PRELID2: variants seen among roughly 807,000 people sequenced by gnomAD.
PRELID2 encodes PRELI domain containing 2.
A neutral mutation model predicts 28.4 loss-of-function variants in PRELID2; 25 were observed. That is an observed-to-expected ratio of 0.88 (90% confidence interval 0.64 to 1.23). PRELID2 has a LOEUF of 1.23. Ranked by LOEUF, PRELID2 falls within the 50% of genes most tolerant of loss-of-function variation. The probability of loss-of-function intolerance (pLI) is 0.00; values close to 1 mark genes in which losing one functional copy is unlikely to be tolerated. For synonymous variants in PRELID2, 76 were observed against 71.6 expected (o/e 1.06, Z -0.31); for missense variants, 201 against 214.4 (o/e 0.94, Z 0.39).
chr5:145,631,629 G>T (rs1252897256), intron 1 of PRELID2, among the ~76,000 whole-genome samples: 2 of 152,168 alleles, frequency 1.3e-5, no homozygotes, highest in Non-Finnish European at 2.9e-5. Flanking sequence ...CACATCCTCA[G>T]CATCTGGATC....
At chr5:145,616,182 C>A (rs1039706627) in intron 1 of PRELID2, among the ~76,000 whole-genome samples, 1 of 152,156 alleles carries the variant, frequency 6.6e-6, no homozygotes, top group Non-Finnish European at 1.5e-5. Flanking sequence ...TTCTTTCCTT[C>A]ATCTTAACTT....
chr5:145,244,173 T>C, the PRELID2 span, among the ~76,000 whole-genome samples: 2 of 152,112 alleles, frequency 1.3e-5, no homozygotes. Context: ...CAGGCTGGTC[T>C]TGAACTCCTG....
At chr5:145,363,960 G>C in the PRELID2 span, among the ~76,000 whole-genome samples, 1 of 151,958 alleles carries the variant, frequency 6.6e-6, no homozygotes, top group South Asian at 2.1e-4. Flanking sequence ...TTCTTTGGCT[G>C]ATTGTACGCT....
At chr5:145,263,828 G>A in the PRELID2 span, among the ~76,000 whole-genome samples, 1 of 148,772 alleles carries the variant, frequency 6.7e-6, no homozygotes, top group Non-Finnish European at 1.5e-5. Context: ...CAAGCAGCAG[G>A]ATAGAAATGG....
the PRELID2 span, among the ~76,000 whole-genome samples, chr5:145,316,785 A>G: frequency 6.6e-6 from 1 of 152,214 alleles, no homozygotes; most frequent in African/African-American, 2.4e-5. Flanking sequence ...CAGTTTCTAA[A>G]GCCATTTCAT....
chr5:145,438,362 G>A, the PRELID2 span, among the ~76,000 whole-genome samples: 1,119 of 152,140 alleles, frequency 7.4e-3, 10 homozygotes, highest in Middle Eastern at 0.037. Context: ...CATCCCCAAA[G>A]CCTAGTTATA....
At chr5:145,480,325 G>C (rs758187828) in intron 1 of PRELID2, among the ~76,000 whole-genome samples, 5 of 152,102 alleles carry the variant, frequency 3.3e-5, no homozygotes, top group Non-Finnish European at 5.9e-5. Context: ...GTGTTTTGGA[G>C]TGGGTTTTTG....
Position 145,473,230 on chromosome 5 carries a change from G to A in PRELID2, n.156C>T, listed in dbSNP as rs562072044. 5 of 152,240 alleles carry A rather than the reference G, an allele frequency of 3.3e-5. No homozygotes were observed. In the East Asian group the frequency reaches 5.8e-4, roughly 18 times the overall value. The allele number at this position is 152,240 out of a possible 1,614,324, so 9.4% of individuals were successfully genotyped here. On this transcript the variant is annotated non_coding_transcript_exon_variant, in exon 2 of 3. Transcript: ENST00000510259. ...TAAAGAACATGGGTTTTGGATCCAC[G>A]CCAGATGTTAACACAGGCTCTTGAT...
chr5:145,492,245 T>C (rs949582192), intron 1 of PRELID2, among the ~76,000 whole-genome samples: 1 of 152,210 alleles, frequency 6.6e-6, no homozygotes, highest in African/African-American at 2.4e-5. Context: ...TATCTCATTG[T>C]AGTTTTGATT....
At chr5:145,517,569 G>T (rs1452768529) in intron 1 of PRELID2, among the ~76,000 whole-genome samples, 1 of 152,128 alleles carries the variant, frequency 6.6e-6, no homozygotes, top group Non-Finnish European at 1.5e-5. Context: ...CAATCACTGT[G>T]GAAGACCGTG....
the PRELID2 span, among the ~76,000 whole-genome samples, chr5:145,454,726 G>A: frequency 5.9e-5 from 9 of 152,114 alleles, no homozygotes; most frequent in Admixed American, 5.9e-4. Flanking sequence ...TTCCTCTAAT[G>A]GCCAGTGATT....
the PRELID2 span, among the ~76,000 whole-genome samples, chr5:145,248,954 C>A: frequency 6.6e-6 from 1 of 152,080 alleles, no homozygotes; most frequent in Admixed American, 6.6e-5. Context: ...TCAGTGCCAG[C>A]CTATTATTTG....
chr5:145,446,156 T>C, the PRELID2 span, among the ~76,000 whole-genome samples: 12 of 152,102 alleles, frequency 7.9e-5, no homozygotes, highest in South Asian at 2.1e-3. Flanking sequence ...AAAGAAATGA[T>C]AAAAGTTTGA....
chr5:145,276,022 T>C, the PRELID2 span, among the ~76,000 whole-genome samples: 1 of 152,114 alleles, frequency 6.6e-6, no homozygotes, highest in Admixed American at 6.6e-5. Context: ...AGTTTTATCA[T>C]TAGTAGAAAT....
the PRELID2 span, among the ~76,000 whole-genome samples, chr5:145,320,699 A>G: frequency 6.6e-6 from 1 of 152,204 alleles, no homozygotes. Flanking sequence ...CTGTTAATAG[A>G]AAACAAGGAG....
At chr5:145,819,363 A>T in intron 3 of PRELID2, 2 of 1,577,034 alleles carry the variant, frequency 1.3e-6, no homozygotes. Flanking sequence ...CAATGTGATT[A>T]AAAATTTCCA....
intron 1 of PRELID2, among the ~76,000 whole-genome samples, chr5:145,526,925 C>T (rs1752609551): frequency 6.6e-6 from 1 of 152,124 alleles, no homozygotes; most frequent in Admixed American, 6.6e-5. Context: ...ACTGAGGTAT[C>T]TTGTTCATTA....
At chr5:145,579,532 T>C (rs1050010155) in intron 1 of PRELID2, among the ~76,000 whole-genome samples, 1 of 152,100 alleles carries the variant, frequency 6.6e-6, no homozygotes, top group Non-Finnish European at 1.5e-5. Context: ...GTTTCAGGTT[T>C]ATTGAATACA....
chr5:145,412,078 A>G, the PRELID2 span, among the ~76,000 whole-genome samples: 1 of 152,072 alleles, frequency 6.6e-6, no homozygotes, highest in Non-Finnish European at 1.5e-5. Context: ...TTCCAGGACT[A>G]TGATGGGAGG....
Sources: allele counts gnomAD v4.1 joint callset (sites outside exome capture counted in the v4.1 genomes callset), GRCh38; gene constraint gnomAD v4.1.1; transcripts MANE v1.5; gene names NCBI Gene and HGNC (gene_info 2026-07-23, HGNC 2026-07-21).